The following RFTN2 variants were observed in gnomAD, a reference collection of about 807,000 sequenced individuals.
RFTN2 encodes the protein raftlin-2.
Under a neutral mutation model 52.7 loss-of-function variants are expected in RFTN2, and 34 were observed. That is an observed-to-expected ratio of 0.64 (90% CI 0.49 to 0.86). RFTN2 has a LOEUF of 0.86. RFTN2 is among the 40% of genes least tolerant of loss of function. RFTN2 has a pLI of 0.00. For missense variants in RFTN2, 536 were observed against 600.1 expected (o/e 0.89, Z 1.12); for synonymous variants, 203 against 217.7 (o/e 0.93, Z 0.59).
At chr2:197,633,640 A>C in intron 4 of RFTN2, 78 bp downstream of exon 4, 2 of 1,115,846 alleles carry the variant, frequency 1.8e-6, no homozygotes, top group Non-Finnish European at 2.6e-6. Context: ...ACTTTGACTC[A>C]TATTTCTAAA....
intron 3 of RFTN2, among the ~76,000 whole-genome samples, chr2:197,637,324 G>C (rs1224420011): frequency 2.0e-5 from 3 of 152,190 alleles, no homozygotes; most frequent in East Asian, 1.9e-4. Flanking sequence ...GGTACCAGTT[G>C]TTCCTTGTAC....
chr2:197,618,479 C>T (rs1303603278), intron 5 of RFTN2, among the ~76,000 whole-genome samples: 3 of 151,862 alleles, frequency 2.0e-5, no homozygotes. Flanking sequence ...CCCAAAGTGC[C>T]GAGATTGCAG....
chr2:197,633,833 C>A lies in RFTN2; in HGVS notation c.603G>T (p.Thr201=). Residue 201 remains threonine, a synonymous_variant, in exon 4 of 9, where the codon ACG becomes ACT. Coordinates refer to ENST00000295049, the MANE Select transcript of RFTN2 (RefSeq NM_144629.3). ...DENCRSWNEG[T]LSGQSSESGI... ...CGCTTTCAGATGACTGCCCACTTAA[C>A]GTCCCTTCATTCCAACTTCTACAGT... is the stretch of plus-strand genomic sequence containing the variant. 1 of 1,613,894 alleles carries A rather than the reference C, an allele frequency of 6.2e-7. No individual in the cohort carries two copies.
At chr2:197,651,317 T>C (rs1391258505) in intron 1 of RFTN2, among the ~76,000 whole-genome samples, 1 of 152,194 alleles carries the variant, frequency 6.6e-6, no homozygotes, top group Admixed American at 6.5e-5. Context: ...TTTGGTGTCA[T>C]ATCCAAGAAA....
chr2:197,673,124 C>G (rs1245659290), intron 1 of RFTN2, among the ~76,000 whole-genome samples: 3 of 152,092 alleles, frequency 2.0e-5, no homozygotes, highest in Admixed American at 6.6e-5. Context: ...ACAGGCTCAT[C>G]ATGAGCACAC....
intron 3 of RFTN2, among the ~76,000 whole-genome samples, chr2:197,634,991 G>C (rs923319186): frequency 2.7e-5 from 4 of 149,930 alleles, no homozygotes; most frequent in African/African-American, 9.8e-5. Flanking sequence ...GCGGTGTTTC[G>C]TTTTTTGTTC....
At chr2:197,580,291 A>G (rs1574676454) in intron 8 of RFTN2, among the ~76,000 whole-genome samples, 2 of 152,330 alleles carry the variant, frequency 1.3e-5, no homozygotes, top group East Asian at 3.9e-4. Context: ...GCTGTGAGAG[A>G]AACCCCAGCC....
rs563107308 is a variant in RFTN2 at position 197,571,584 on chromosome 2, G to A, written c.*424C>T. 4.0e-3 allele frequency: 520 copies of A among 129,248 alleles called. 8 individuals carry two copies. Among genetic ancestry groups the A allele is most frequent in the African/African-American group, 0.014 (494 of 34,464 alleles). The allele number at this position is 129,248 out of a possible 1,614,324, so 8.0% of individuals were successfully genotyped here. ...GCTGTGTGTGTGTATGAGAGAGAGA[G>A]AAAAAAAAAGAGAGAGAGAGGTTAT... On this transcript the variant is annotated 3_prime_UTR_variant, in exon 9 of 9. Coordinates refer to ENST00000295049, the MANE Select transcript of RFTN2 (RefSeq NM_144629.3).
chr2:197,575,666 G>C (rs1650472883), intron 8 of RFTN2, among the ~76,000 whole-genome samples: 1 of 151,408 alleles, frequency 6.6e-6, no homozygotes, highest in Non-Finnish European at 1.5e-5. Context: ...TCAGGAGGCT[G>C]AAATGGGAGG....
chr2:197,581,851 C>A (rs1295592531), intron 8 of RFTN2, among the ~76,000 whole-genome samples: 1 of 152,174 alleles, frequency 6.6e-6, no homozygotes. Flanking sequence ...GTTTTGCCAT[C>A]CTAACAAAAC....
chr2:197,573,897 G>A (rs2087368336), intron 8 of RFTN2, among the ~76,000 whole-genome samples: 1 of 152,260 alleles, frequency 6.6e-6, no homozygotes, highest in Non-Finnish European at 1.5e-5. Context: ...TGGCTCACAT[G>A]TTGTTTTGGG....
At chr2:197,640,658 C>T (rs559946608) in intron 3 of RFTN2, among the ~76,000 whole-genome samples, 28 of 152,314 alleles carry the variant, frequency 1.8e-4, no homozygotes, top group African/African-American at 2.6e-4. Flanking sequence ...GAGATGAACC[C>T]GGTACCTCAG....
intron 7 of RFTN2, among the ~76,000 whole-genome samples, chr2:197,603,446 A>G (rs1171138098): frequency 6.6e-6 from 1 of 152,246 alleles, no homozygotes; most frequent in African/African-American, 2.4e-5. Context: ...TATCTGTTAT[A>G]TTTAAGTAAG....
intron 2 of RFTN2, among the ~76,000 whole-genome samples, chr2:197,644,818 A>G (rs1446639429): frequency 6.6e-6 from 1 of 152,232 alleles, no homozygotes; most frequent in Non-Finnish European, 1.5e-5. Flanking sequence ...TGCTTAAACT[A>G]GTAAATATCT....
chr2:197,675,344 C>T lies in RFTN2; in HGVS notation c.115G>A (p.Val39Ile), dbSNP rs763129149. 1.2e-6 allele frequency: 2 copies of T among 1,602,646 alleles called. No homozygotes were observed. The highest frequency in any genetic ancestry group is 1.7e-6 in the Non-Finnish European group (2 of 1,174,932). ...CCTTGTAGAGTAAAATCCAGCAATA[C>T]ATATTCGTAAGCAAATTCTGTCTTT... ...ETKTEFAYEY[V>I]LLDFTLQASS... Residue 39 changes from valine to isoleucine, a missense_variant, in exon 1 of 9, where the codon GTA becomes ATA. Physicochemically the swap from Val to Ile is conservative, Grantham distance 29. Transcript: ENST00000295049.
At chr2:197,620,996 A>C (rs530152661) in intron 5 of RFTN2, among the ~76,000 whole-genome samples, 42 of 151,286 alleles carry the variant, frequency 2.8e-4, no homozygotes, top group Admixed American at 2.4e-3. Flanking sequence ...CAGAAAAATG[A>C]AAAACAAACA....
At chr2:197,596,117 T>G in intron 7 of RFTN2, 48 bp from the exon 8 acceptor site, 6 of 1,135,644 alleles carry the variant, frequency 5.3e-6, no homozygotes, top group Non-Finnish European at 8.0e-6. Flanking sequence ...AGTAATTCTC[T>G]ATATTTCATA....
In RFTN2 at chr2:197,570,530, CA is replaced by C. The variant is rs1193295758; in HGVS notation, c.*1477del. 2.0e-5 allele frequency: 3 copies of C among 152,176 alleles called. No individual in the cohort carries two copies. Among genetic ancestry groups the C allele is most frequent in the Non-Finnish European group, 4.4e-5 (3 of 68,036 alleles). The allele number at this position is 152,176 out of a possible 1,614,324, so 9.4% of individuals were successfully genotyped here. On this transcript the variant is annotated 3_prime_UTR_variant, in exon 9 of 9. Transcript: ENST00000295049. ...GATCATGAGGTCAAGAGATCGAGAC[CA>C]TCCTGGCCAACATGGTGAAACCCCA...
At chr2:197,608,281 G>C (rs1553601397) in intron 7 of RFTN2, among the ~76,000 whole-genome samples, 1 of 149,210 alleles carries the variant, frequency 6.7e-6, no homozygotes, top group Non-Finnish European at 1.5e-5. Flanking sequence ...AATTTCTCTT[G>C]TTATTCACAT....
Sources: gnomAD v4.1 joint callset for allele counts (sites outside exome capture counted in the v4.1 genomes callset) on GRCh38, gnomAD v4.1.1 for gene constraint, MANE v1.5 for transcripts, NCBI Gene and HGNC (gene_info 2026-07-23, HGNC 2026-07-21) for gene names.